NKAIN2: variants seen among roughly 807,000 people sequenced by gnomAD.
NKAIN2 encodes the protein sodium/potassium transporting ATPase interacting 2, also known as sodium/potassium-transporting ATPase subunit beta-1-interacting protein 2.
Under a neutral mutation model 32.6 loss-of-function variants are expected in NKAIN2, and 14 were observed. The ratio of observed to expected loss-of-function variants is 0.43; its 90% CI spans 0.28 to 0.67. NKAIN2 has a LOEUF of 0.67. Among genes scored for constraint, NKAIN2 ranks in the 30% least tolerant of loss-of-function variants. The pLI is 0.17. For synonymous variants in NKAIN2, 80 were observed against 87.2 expected, an observed-to-expected ratio of 0.92 and a Z score of 0.46; for missense variants, 198 against 258.3, an observed-to-expected ratio of 0.77 and a Z score of 1.60.
At chr6:123,805,671 A>G (rs1036720587) in intron 1 of NKAIN2, among the ~76,000 whole-genome samples, 7 of 152,218 alleles carry the variant, frequency 4.6e-5, no homozygotes, top group African/African-American at 1.7e-4. Flanking sequence ...CTTAATAATA[A>G]AGCTAACCAA....
chr6:123,856,231 T>C (rs1239445222), intron 1 of NKAIN2, among the ~76,000 whole-genome samples: 2 of 152,224 alleles, frequency 1.3e-5, no homozygotes, highest in Non-Finnish European at 2.9e-5. Context: ...CTCATAACTT[T>C]CCTGACAGCT....
intron 3 of NKAIN2, among the ~76,000 whole-genome samples, chr6:124,406,737 C>T (rs1373676378): frequency 6.6e-6 from 1 of 152,022 alleles, no homozygotes; most frequent in African/African-American, 2.4e-5. Flanking sequence ...GCATCATTGA[C>T]AAAATTTGTT....
chr6:124,379,793 G>T (rs983090796), intron 3 of NKAIN2, among the ~76,000 whole-genome samples: 1 of 152,128 alleles, frequency 6.6e-6, no homozygotes, highest in Admixed American at 6.5e-5. Context: ...AAGGAACTTG[G>T]CTTACCTTTG....
chr6:124,672,050 A>G (rs1427029794), intron 4 of NKAIN2, among the ~76,000 whole-genome samples: 1 of 152,026 alleles, frequency 6.6e-6, no homozygotes, highest in Non-Finnish European at 1.5e-5. Context: ...CTAAATATTT[A>G]TGAAGTGAAC....
intron 1 of NKAIN2, among the ~76,000 whole-genome samples, chr6:124,210,560 C>T (rs933693702): frequency 4.0e-5 from 6 of 151,888 alleles, no homozygotes; most frequent in East Asian, 1.9e-4. Context: ...AACCCATGAA[C>T]GTGGAACATC....
At chr6:124,028,509 G>A (rs1291480261) in intron 1 of NKAIN2, among the ~76,000 whole-genome samples, 1 of 151,304 alleles carries the variant, frequency 6.6e-6, no homozygotes, top group African/African-American at 2.4e-5. Context: ...ACCTGCCCAT[G>A]TACCCTAAAA....
chr6:124,272,121 G>C (rs1419606714), intron 1 of NKAIN2, among the ~76,000 whole-genome samples: 1 of 152,166 alleles, frequency 6.6e-6, no homozygotes, highest in Non-Finnish European at 1.5e-5. Context: ...CCATTTTCTG[G>C]GGAGAAATTC....
intron 1 of NKAIN2, among the ~76,000 whole-genome samples, chr6:124,255,927 T>A (rs1793907389): frequency 6.6e-6 from 1 of 152,192 alleles, no homozygotes; most frequent in African/African-American, 2.4e-5. Flanking sequence ...CCTTTCTTAG[T>A]TTGCTGCTCT....
At chr6:124,652,767 A>G (rs1784410654) in intron 3 of NKAIN2, among the ~76,000 whole-genome samples, 1 of 152,152 alleles carries the variant, frequency 6.6e-6, no homozygotes, top group Admixed American at 6.6e-5. Flanking sequence ...TCACCCTTTT[A>G]TAACAAACCC....
intron 1 of NKAIN2, among the ~76,000 whole-genome samples, chr6:124,173,176 TG>T (rs1788980648): frequency 6.6e-6 from 1 of 152,160 alleles, no homozygotes; most frequent in Non-Finnish European, 1.5e-5. Flanking sequence ...CATATACAAT[TG>T]TATTAAGAAT....
At chr6:124,378,539 A>C (rs1019108037) in intron 3 of NKAIN2, among the ~76,000 whole-genome samples, 3 of 152,168 alleles carry the variant, frequency 2.0e-5, no homozygotes, top group Admixed American at 6.5e-5. Context: ...TTGCATTCCC[A>C]GTGTATTCCA....
At chr6:124,153,225 TTCTA>T (rs1562388763) in intron 1 of NKAIN2, among the ~76,000 whole-genome samples, 1 of 151,864 alleles carries the variant, frequency 6.6e-6, no homozygotes, top group African/African-American at 2.4e-5. Flanking sequence ...TTATTACAAA[TTCTA>T]TCTATGTATC....
chr6:124,286,769 CCTCCCAGGTTCAAGCAATT>C (rs1795574729), intron 2 of NKAIN2, among the ~76,000 whole-genome samples: 1 of 151,842 alleles, frequency 6.6e-6, no homozygotes, highest in South Asian at 2.1e-4. Flanking sequence ...GCAAACTCCA[CCTCCCAGGTTCAAGCAATT>C]CTCCTGCCTC....
intron 1 of NKAIN2, among the ~76,000 whole-genome samples, chr6:124,077,052 G>T (rs999896021): frequency 6.6e-6 from 1 of 152,126 alleles, no homozygotes; most frequent in East Asian, 1.9e-4. Flanking sequence ...TTGTAAATTC[G>T]AAATAACAGT....
intron 5 of NKAIN2, among the ~76,000 whole-genome samples, chr6:124,793,939 G>A (rs1296767760): frequency 6.6e-6 from 1 of 152,184 alleles, no homozygotes; most frequent in African/African-American, 2.4e-5. Flanking sequence ...ATGGGAAGGA[G>A]TGGGGTCAGC....
intron 3 of NKAIN2, among the ~76,000 whole-genome samples, chr6:124,633,154 A>G (rs1252474013): frequency 1.3e-5 from 2 of 152,162 alleles, no homozygotes; most frequent in African/African-American, 4.8e-5. Flanking sequence ...CTTGAGAGGC[A>G]AGAAAGTACA....
At chr6:124,163,760 G>A (rs991377409) in intron 1 of NKAIN2, among the ~76,000 whole-genome samples, 5 of 152,050 alleles carry the variant, frequency 3.3e-5, no homozygotes, top group African/African-American at 1.2e-4. Context: ...GGAATGAAAA[G>A]TGGAAACTGT....
chr6:123,916,674 C>T (rs1010442282), intron 1 of NKAIN2, among the ~76,000 whole-genome samples: 5 of 152,110 alleles, frequency 3.3e-5, no homozygotes, highest in African/African-American at 1.2e-4. Flanking sequence ...TTATGCCCTT[C>T]ACAGATTTTT....
rs139272680 is a variant in NKAIN2, at chr6:124,147,939, C to T, written c.55-135066C>T. 8.5e-5 allele frequency among the ~76,000 whole-genome samples: 13 copies of T among 152,216 alleles called. No homozygotes were observed. The South Asian group carries it at 1.0e-3, about 12-fold the overall frequency. ...AACTTCCCCTCCCATCTTAAAAACG[C>T]GTAGTCCTCATCCCTGGTCATGGCT... On this transcript the variant is annotated intron_variant, in intron 1 of 6. Transcript: ENST00000368417.
Sources: gnomAD v4.1 joint callset for allele counts (sites outside exome capture counted in the v4.1 genomes callset) on GRCh38, gnomAD v4.1.1 for gene constraint, MANE v1.5 for transcripts, NCBI Gene and HGNC (gene_info 2026-07-23, HGNC 2026-07-21) for gene names.